Variants in FEZ2 observed in about 807,000 individuals in gnomAD.
FEZ2 encodes fasciculation and elongation protein zeta-2.
In FEZ2, 51 loss-of-function variants were observed where a neutral mutation model predicts 40.4. The ratio of observed to expected loss-of-function variants is 1.26; its 90% CI spans 1.01 to 1.59. The LOEUF is 1.59. Ranked by LOEUF, FEZ2 falls within the 40% of genes most tolerant of loss-of-function variation. The pLI is 0.00. For synonymous variants in FEZ2, 242 were observed against 172.0 expected, an observed-to-expected ratio of 1.41 and a Z score of -3.18; for missense variants, 640 against 438.3, an observed-to-expected ratio of 1.46 and a Z score of -4.11.
intron 5 of FEZ2, among the ~76,000 whole-genome samples, chr2:36,565,406 T>C (rs1173945390): frequency 6.6e-6 from 1 of 152,206 alleles, no homozygotes; most frequent in African/African-American, 2.4e-5. Context: ...TACGACGCCA[T>C]CCATTTTCCA....
At chr2:36,568,136 A>T (rs1169800938) in intron 5 of FEZ2, among the ~76,000 whole-genome samples, 1 of 152,066 alleles carries the variant, frequency 6.6e-6, no homozygotes, top group African/African-American at 2.4e-5. Flanking sequence ...CTCTATGCTT[A>T]AATTTTATAA....
At chr2:36,590,083 G>C (rs145142045) in intron 2 of FEZ2, 2 of 152,028 alleles carry the variant, frequency 1.3e-5, no homozygotes, top group Admixed American at 6.6e-5. Flanking sequence ...CCCACCACTC[G>C]TGCTCACACT....
rs116266228 is a variant in FEZ2, at chr2:36,568,887, C to G, written c.903+9710G>C. 3.8e-3 allele frequency among the ~76,000 whole-genome samples: 584 copies of G among 152,202 alleles called. 8 individuals are homozygous for G. Among genetic ancestry groups the G allele is most frequent in the African/African-American group, 0.013 (545 of 41,516 alleles). ...AACTTTTCTCAGACAAAACCAGTAG[C>G]AACAATGTATAAACAGGATATAGAT... On this transcript the variant is annotated intron_variant, in intron 5 of 7. Transcript: ENST00000405912.
intron 2 of FEZ2, among the ~76,000 whole-genome samples, chr2:36,588,411 T>C (rs1044666787): frequency 1.3e-5 from 2 of 152,164 alleles, no homozygotes; most frequent in Admixed American, 6.5e-5. Context: ...TACCGTGGCA[T>C]TGAAAATAAC....
chr2:36,597,986 T>G lies in FEZ2; in HGVS notation c.157A>C (p.Ser53Arg), dbSNP rs1354077290. The G allele has an allele frequency of 6.7e-7, 1 of 1,494,350 alleles. No individual in the cohort carries two copies. The highest frequency in any genetic ancestry group is 1.2e-5 in the South Asian group (1 of 80,528). 92.6% of individuals were successfully genotyped at this position (1,494,350 alleles called of 1,614,324 possible). ...CACAGGCTCAGCTTCTCCTCCAAGC[T>G]GCAGGCCGGGGCCGGGAAACCGTCG... ...GADGFPAPACSLEEKLSLCFR... is the reference protein window; with the variant it reads ...GADGFPAPACRLEEKLSLCFR... Residue 53 changes from serine (S) to arginine (R), a missense_variant, in exon 1 of 8, where the codon AGC (serine) becomes CGC (arginine). Coordinates refer to ENST00000405912, the MANE Select transcript of FEZ2 (RefSeq NM_005102.3).
rs1668654657 is a variant in FEZ2, at chr2:36,578,877, A to C, written c.635-12T>G. 1.3e-6 allele frequency: 2 copies of C among 1,596,854 alleles called. No homozygotes were observed. The highest frequency in any genetic ancestry group is 1.4e-5 in the African/African-American group (1 of 73,672). On this transcript the variant is annotated splice_polypyrimidine_tract_variant and intron_variant, in intron 4 of 7. Transcript: ENST00000405912. ...GAGCCTTTTCACTCCTGTGACCAAA[A>C]GCAAAATACAGCAGATATTAAGACA...
intron 6 of FEZ2, chr2:36,558,229 A>T: frequency 2.8e-6 from 1 of 356,874 alleles, no homozygotes; most frequent in Non-Finnish European, 5.1e-6. Context: ...GGTAAGAAAA[A>T]CAGAAAAAGT....
rs910142058 is a variant in FEZ2 at position 36,588,885 on chromosome 2, G to A, written c.375+2018C>T. On this transcript the variant is annotated intron_variant, in intron 2 of 7. Transcript: ENST00000405912. The stretch of plus-strand genomic sequence containing the variant: ...TTAGTCAATGAAATTGGATTAAACT[G>A]TCTCACTCACGCTGCTAATGGGCCT... Among the ~76,000 whole-genome samples the A allele has an allele frequency of 7.2e-5, 11 of 151,890 alleles. 1 individual carries two copies. The highest frequency in any genetic ancestry group is 2.1e-4 in the South Asian group (1 of 4,824).
intron 5 of FEZ2, among the ~76,000 whole-genome samples, chr2:36,572,510 C>G (rs1668447263): frequency 6.6e-6 from 1 of 152,126 alleles, no homozygotes; most frequent in Non-Finnish European, 1.5e-5. Context: ...TGTCAAGAGC[C>G]AGGCATTAAT....
intron 3 of FEZ2, chr2:36,581,677 T>C: frequency 4.8e-6 from 2 of 413,632 alleles, no homozygotes; most frequent in East Asian, 4.6e-5. Context: ...ACGTCCATCA[T>C]GATTCAGAAG....
chr2:36,557,792 C>T (rs1433295670), intron 6 of FEZ2: 1 of 152,044 alleles, frequency 6.6e-6, no homozygotes, highest in African/African-American at 2.4e-5. Flanking sequence ...ATTCAAGGCT[C>T]ATTTGCGGCC....
intron 5 of FEZ2, chr2:36,559,129 G>A (rs1029872751): frequency 6.6e-6 from 1 of 152,134 alleles, no homozygotes; most frequent in Non-Finnish European, 1.5e-5. Flanking sequence ...GGCATTAAAG[G>A]AGAAAAGTTA....
intron 5 of FEZ2, among the ~76,000 whole-genome samples, chr2:36,569,312 T>C (rs1489217908): frequency 1.3e-5 from 2 of 152,352 alleles, no homozygotes; most frequent in Middle Eastern, 3.4e-3. Flanking sequence ...CACACCTTTC[T>C]ACTTTTCTCC....
intron 5 of FEZ2, chr2:36,559,266 A>G (rs1202282397): frequency 6.6e-6 from 1 of 152,228 alleles, no homozygotes; most frequent in Non-Finnish European, 1.5e-5. Context: ...TAATCCCATG[A>G]AAGCATAATC....
chr2:36,574,976 G>T (rs1668519847), intron 5 of FEZ2, among the ~76,000 whole-genome samples: 1 of 152,180 alleles, frequency 6.6e-6, no homozygotes. Flanking sequence ...TGTCAATGAG[G>T]AGAAGCAGTG....
chr2:36,563,720 A>C (rs941183046), intron 5 of FEZ2, among the ~76,000 whole-genome samples: 1 of 151,932 alleles, frequency 6.6e-6, no homozygotes, highest in African/African-American at 2.4e-5. Context: ...TTCCTTTCCC[A>C]AGGTTTTCCT....
At chr2:36,577,843 T>C (rs930636487) in intron 5 of FEZ2, among the ~76,000 whole-genome samples, 4 of 152,230 alleles carry the variant, frequency 2.6e-5, no homozygotes, top group African/African-American at 7.2e-5. Flanking sequence ...TGTAAGACCA[T>C]GTTATTGATA....
intron 7 of FEZ2, 61 bp downstream of exon 7, chr2:36,555,622 A>T (rs567833549): frequency 2.4e-6 from 2 of 835,488 alleles, no homozygotes; most frequent in Admixed American, 2.5e-5. Context: ...TAGCAAGGCG[A>T]TGTATTTACT....
chr2:36,584,335 G>A (rs1183642631), intron 2 of FEZ2, among the ~76,000 whole-genome samples: 1 of 152,188 alleles, frequency 6.6e-6, no homozygotes, highest in African/African-American at 2.4e-5. Flanking sequence ...GCCCAGGACT[G>A]CTAAAGTACC....
Sources: allele counts gnomAD v4.1 joint callset (sites outside exome capture counted in the v4.1 genomes callset), GRCh38; gene constraint gnomAD v4.1.1; transcripts MANE v1.5; gene names NCBI Gene and HGNC (gene_info 2026-07-23, HGNC 2026-07-21).